Variants in NECAB2 observed in about 807,000 individuals in gnomAD.
NECAB2 encodes the protein N-terminal EF-hand calcium binding protein 2.
Under a neutral mutation model 51.9 loss-of-function variants are expected in NECAB2, and 68 were observed. That is an observed-to-expected ratio of 1.31 (90% CI 1.08 to 1.60). The LOEUF (loss-of-function observed/expected upper bound fraction) is 1.60, where lower values mean the gene tolerates loss of function less well. Ranked by LOEUF, NECAB2 falls within the 40% of genes most tolerant of loss-of-function variation. The pLI is 0.00. For missense variants in NECAB2, 854 were observed against 490.3 expected, an observed-to-expected ratio of 1.74 and a Z score of -7.00; for synonymous variants, 329 against 203.5, an observed-to-expected ratio of 1.62 and a Z score of -5.25.
In NECAB2 at chr16:83,990,608, G is replaced by A. The variant is rs1424718853; in HGVS notation, c.574G>A (p.Glu192Lys). ...AGTGGAGAGTGCGGTGGAGGCCATCGAGGAACAGACCAGCCAGCTCCGGTG... is the reference window on the plus strand; with the variant it reads ...AGTGGAGAGTGCGGTGGAGGCCATCAAGGAACAGACCAGCCAGCTCCGGTG... ...SSVESAVEAIEEQTSQLRQNH... is the reference protein window; with the variant it reads ...SSVESAVEAIKEQTSQLRQNH... The change falls in exon 6 of 13, where the codon GAG becomes AAG. Residue 192 changes from glutamate (E) to lysine (K), a missense_variant. By Grantham distance (56) the Glu-to-Lys change is moderately conservative. Transcript: ENST00000305202. 1.2e-6 allele frequency: 2 copies of A among 1,613,920 alleles called. No individual in the cohort carries two copies. The highest frequency in any genetic ancestry group is 2.2e-5 in the East Asian group (1 of 44,858).
intron 10 of NECAB2, among the ~76,000 whole-genome samples, chr16:83,999,864 A>G (rs1036158810): frequency 2.8e-5 from 4 of 144,618 alleles, no homozygotes; most frequent in African/African-American, 8.0e-5. Context: ...AGATGCTTTG[A>G]TTTTTAAAGG....
chr16:83,997,479 CTTTTTTTTTTTT>C (rs11296947), intron 9 of NECAB2, among the ~76,000 whole-genome samples: 4 of 53,278 alleles, frequency 7.5e-5, no homozygotes, highest in East Asian at 6.6e-4. Context: ...CTCCCTGGAC[CTTTTTTTTTTTT>C]TTTTTTTTTT....
At position 83,994,427 on chromosome 16, in the gene NECAB2, G is replaced by C; in HGVS notation, c.715+7G>C. On this transcript the variant is annotated splice_region_variant and intron_variant, in intron 7 of 12. Transcript: ENST00000305202. ...GGCAAGACCCTTCCATCTGGTGAGA[G>C]AAAGCGGGGGCCCTGGTGGGGGTAC... 1 of 1,613,768 alleles carries C rather than the reference G, an allele frequency of 6.2e-7. No individual in the cohort carries two copies. Among genetic ancestry groups the C allele is most frequent in the Admixed American group, 1.7e-5 (1 of 60,016 alleles).
At chr16:83,970,160 C>G (rs1459834062) in intron 1 of NECAB2, among the ~76,000 whole-genome samples, 3 of 152,140 alleles carry the variant, frequency 2.0e-5, no homozygotes, top group Non-Finnish European at 2.9e-5. Context: ...AGGGTGGGGG[C>G]TCTGAGGTTC....
chr16:83,990,395 T>A, intron 5 of NECAB2, 99 bp from the exon 6 acceptor site: 2 of 1,486,218 alleles, frequency 1.3e-6, no homozygotes, highest in Non-Finnish European at 9.2e-7. Context: ...GCAAAGCAAA[T>A]TCACCAGCAC....
At chr16:83,981,699 A>G (rs2084491834) in intron 5 of NECAB2, among the ~76,000 whole-genome samples, 1 of 152,058 alleles carries the variant, frequency 6.6e-6, no homozygotes, top group African/African-American at 2.4e-5. Flanking sequence ...TGAGTCAGGG[A>G]CCTGGCAATA....
At chr16:83,987,945 C>T (rs74032348) in intron 5 of NECAB2, among the ~76,000 whole-genome samples, 3,605 of 152,282 alleles carry the variant, frequency 0.024, 131 homozygotes, top group African/African-American at 0.081. Context: ...AATAATGGCA[C>T]GTCTTTGTTA....
At position 84,001,810 on chromosome 16, in the gene NECAB2, G is replaced by GGGGC. The variant is rs2084842179; in HGVS notation, c.1041-15_1041-14insGGGC. The GGGGC allele has an allele frequency of 6.2e-7, 1 of 1,613,590 alleles. No homozygotes were observed. The highest frequency in any genetic ancestry group is 1.3e-5 in the African/African-American group (1 of 74,868). On this transcript the variant is annotated splice_polypyrimidine_tract_variant and intron_variant, in intron 11 of 12. Coordinates refer to ENST00000305202, the MANE Select transcript of NECAB2 (RefSeq NM_019065.3). ...CTCCTGCCACCCCTGACTCACACATGTCCCTGCGTCACAGGCACCTGCAGA... is the reference window on the plus strand; with the variant it reads ...CTCCTGCCACCCCTGACTCACACATGGGGCTCCCTGCGTCACAGGCACCTGCAGA...
intron 12 of NECAB2, among the ~76,000 whole-genome samples, 169 bp from the exon 13 acceptor site, chr16:84,002,149 G>A (rs2084849212): frequency 6.6e-6 from 1 of 152,276 alleles, no homozygotes; most frequent in South Asian, 2.1e-4. Context: ...CAGCCAGACT[G>A]AATTTCCCTT....
intron 12 of NECAB2, 86 bp from the exon 13 acceptor site, chr16:84,002,232 C>G (rs373591626): frequency 5.9e-6 from 9 of 1,513,958 alleles, no homozygotes; most frequent in African/African-American, 1.4e-5. Flanking sequence ...AGCCATCCCC[C>G]GACCTGTCAT....
At position 83,980,869 on chromosome 16, in the gene NECAB2, G is replaced by A. The variant is rs774901790; in HGVS notation, c.361+5G>A. On this transcript the variant is annotated splice_donor_5th_base_variant and intron_variant, in intron 4 of 12. Coordinates refer to ENST00000305202, the MANE Select transcript of NECAB2 (RefSeq NM_019065.3). ...TGGACACCAAGGAGCTGTGTGGTAG[G>A]TGCCTGGCTATGCTGGGACCAAGAT... 2 of 1,609,866 alleles carry A rather than the reference G, an allele frequency of 1.2e-6. No individual in the cohort carries two copies. Among genetic ancestry groups the A allele is most frequent in the South Asian group, 1.1e-5 (1 of 90,564 alleles).
chr16:83,990,829 T>C lies in NECAB2; in HGVS notation c.596+199T>C, dbSNP rs1367888529. On this transcript the variant is annotated intron_variant, in intron 6 of 12. Transcript: ENST00000305202. Reference sequence around the variant, plus strand: ...CCTAAAATCTCAGCCATTGCAAGGATTGAATGAGATAGTAAATGCTCAGGA... The same window carrying C: ...CCTAAAATCTCAGCCATTGCAAGGACTGAATGAGATAGTAAATGCTCAGGA... Among the ~76,000 whole-genome samples, 3 of 152,070 alleles carry C rather than the reference T, an allele frequency of 2.0e-5. 1 individual carries two copies. The highest frequency in any genetic ancestry group is 2.4e-5 in the African/African-American group (1 of 41,398).
chr16:84,001,249 T>C (rs540099797), intron 11 of NECAB2, among the ~76,000 whole-genome samples: 1 of 151,122 alleles, frequency 6.6e-6, no homozygotes, highest in East Asian at 1.9e-4. Context: ...TGATGGGCCT[T>C]AGGCCTTTGT....
At chr16:83,972,085 T>A (rs553770417) in intron 1 of NECAB2, 66 bp from the exon 2 acceptor site, 3 of 1,601,412 alleles carry the variant, frequency 1.9e-6, no homozygotes, top group Admixed American at 3.3e-5. Context: ...CAGTATCCGG[T>A]CAGAGGCTGC....
intron 9 of NECAB2, among the ~76,000 whole-genome samples, chr16:83,997,934 G>T (rs1395531944): frequency 3.3e-5 from 5 of 152,158 alleles, no homozygotes; most frequent in Admixed American, 3.3e-4. Context: ...CCTGGAGGCT[G>T]TGCAGGTGGT....
chr16:83,997,946 G>A (rs1042848717), intron 9 of NECAB2, among the ~76,000 whole-genome samples: 2 of 152,182 alleles, frequency 1.3e-5, no homozygotes, highest in Admixed American at 6.5e-5. Flanking sequence ...GCAGGTGGTT[G>A]TGGACATGGA....
rs2084516236 is a variant in NECAB2, at chr16:83,983,662, T to C, written c.459+2535T>C. ...TGTCTCAAATTGAACAATCCTTCGC[T>C]CCCTGTGATAAACCCTAATTGGTAT... On this transcript the variant is annotated intron_variant, in intron 5 of 12. Coordinates refer to ENST00000305202, the MANE Select transcript of NECAB2 (RefSeq NM_019065.3). Among the ~76,000 whole-genome samples the C allele has an allele frequency of 2.6e-5, 4 of 152,292 alleles. No individual in the cohort carries two copies. In the South Asian group the frequency reaches 6.2e-4, roughly 24 times the overall value.
intron 5 of NECAB2, among the ~76,000 whole-genome samples, chr16:83,985,037 G>T (rs1389128329): frequency 6.6e-6 from 1 of 152,146 alleles, no homozygotes; most frequent in East Asian, 1.9e-4. Context: ...TGGGGGCTGG[G>T]TGCAGTGGCT....
chr16:83,990,664 G>A (rs771727718), intron 6 of NECAB2, 34 bp downstream of exon 6: 1 of 1,610,700 alleles, frequency 6.2e-7, no homozygotes, highest in Non-Finnish European at 8.5e-7. Flanking sequence ...GTCCCATGGG[G>A]GTATGCCGTG....
Sources: gnomAD v4.1 joint callset for allele counts (sites outside exome capture counted in the v4.1 genomes callset) on GRCh38, gnomAD v4.1.1 for gene constraint, MANE v1.5 for transcripts, NCBI Gene and HGNC (gene_info 2026-07-23, HGNC 2026-07-21) for gene names.